Variants in PCDH7 observed in about 807,000 individuals in gnomAD.
PCDH7 encodes protocadherin-7.
Under a neutral mutation model 58.9 loss-of-function variants are expected in PCDH7, and 17 were observed. The ratio of observed to expected loss-of-function variants is 0.29; its 90% CI spans 0.20 to 0.43. The LOEUF is 0.43. Among genes scored for constraint, PCDH7 ranks in the 20% least tolerant of loss-of-function variants. The probability of loss-of-function intolerance (pLI) is 1.00; values close to 1 mark genes in which losing one functional copy is unlikely to be tolerated. For missense variants in PCDH7, 1,274 were observed against 1,441.0 expected, an observed-to-expected ratio of 0.88 and a Z score of 1.88; for synonymous variants, 664 against 616.4, an observed-to-expected ratio of 1.08 and a Z score of -1.14.
intron 3 of PCDH7, among the ~76,000 whole-genome samples, chr4:31,113,036 T>C (rs1479603353): frequency 6.6e-6 from 1 of 152,210 alleles, no homozygotes; most frequent in Non-Finnish European, 1.5e-5. Flanking sequence ...TTTATTCTTA[T>C]TGGTATTTTT....
chr4:30,904,340 G>A (rs1490797917), intron 1 of PCDH7, among the ~76,000 whole-genome samples: 17 of 152,032 alleles, frequency 1.1e-4, no homozygotes. Flanking sequence ...CTCTTGGCAT[G>A]CAGCCCACTC....
chr4:30,862,018 G>T (rs944996372), intron 1 of PCDH7, among the ~76,000 whole-genome samples: 1 of 152,060 alleles, frequency 6.6e-6, no homozygotes, highest in Admixed American at 6.6e-5. Flanking sequence ...TATTAGTAAA[G>T]CTGAAAGGGA....
intron 1 of PCDH7, among the ~76,000 whole-genome samples, chr4:30,819,736 A>C (rs961407220): frequency 6.6e-6 from 1 of 152,172 alleles, no homozygotes; most frequent in Non-Finnish European, 1.5e-5. Context: ...TGTGGTGAAC[A>C]AATTTCTGTA....
At chr4:30,824,905 A>G (rs982228890) in intron 1 of PCDH7, among the ~76,000 whole-genome samples, 1 of 152,142 alleles carries the variant, frequency 6.6e-6, no homozygotes, top group Non-Finnish European at 1.5e-5. Flanking sequence ...GACAAAATTC[A>G]GTGGCACAGA....
At position 30,722,685 on chromosome 4, in the gene PCDH7, G is replaced by A. The variant is rs745310528; in HGVS notation, c.1263G>A (p.Gly421=). 1.2e-6 allele frequency: 2 copies of A among 1,613,520 alleles called. No individual in the cohort carries two copies. Among genetic ancestry groups the A allele is most frequent in the African/African-American group, 1.3e-5 (1 of 74,950 alleles). Reference sequence around the variant, plus strand: ...CGTCCATTGAAATCCGCAAGATTGGGCGCATCCCCCTCAAGGACGGGGTGG... The same window carrying A: ...CGTCCATTGAAATCCGCAAGATTGGACGCATCCCCCTCAAGGACGGGGTGG... The change falls in exon 1 of 2, where the codon GGG becomes GGA. Residue 421 remains glycine, a synonymous_variant. Transcript: ENST00000361762. This position sits in a 1 kb window ranked among gnomAD's most constrained non-coding sequence, Gnocchi z 7.6.
intron 3 of PCDH7, among the ~76,000 whole-genome samples, chr4:31,025,196 A>G (rs1447819906): frequency 6.6e-6 from 1 of 152,220 alleles, no homozygotes; most frequent in East Asian, 1.9e-4. Context: ...GATATCCAAG[A>G]AAAGGAAAGG....
At chr4:30,731,244 C>A in exon 2 of PCDH7, 1 of 636,554 alleles carries the variant, frequency 1.6e-6, no homozygotes, top group Non-Finnish European at 2.0e-6. Context: ...AATCACAGGC[C>A]TGTCAGATAG....
chr4:30,746,107 G>A (rs960208119), intron 1 of PCDH7, among the ~76,000 whole-genome samples: 30 of 152,280 alleles, frequency 2.0e-4, no homozygotes, highest in African/African-American at 7.0e-4. Context: ...GGGATTACAG[G>A]TGTGATCCAC....
At chr4:30,917,140 C>T (rs991077017) in intron 1 of PCDH7, among the ~76,000 whole-genome samples, 7 of 152,100 alleles carry the variant, frequency 4.6e-5, no homozygotes, top group African/African-American at 7.2e-5. Context: ...ATAACCTTTG[C>T]GGTAAAACTG....
chr4:31,052,108 T>C (rs1756797420), intron 3 of PCDH7, among the ~76,000 whole-genome samples: 1 of 152,080 alleles, frequency 6.6e-6, no homozygotes, highest in Non-Finnish European at 1.5e-5. Flanking sequence ...ATAATGTCCC[T>C]TTTTTTGTTG....
chr4:30,977,629 A>G (rs559041188), intron 3 of PCDH7, among the ~76,000 whole-genome samples: 3 of 152,142 alleles, frequency 2.0e-5, no homozygotes, highest in Non-Finnish European at 4.4e-5. Context: ...GCACATTTTC[A>G]TGCACTAGAG....
intron 3 of PCDH7, among the ~76,000 whole-genome samples, chr4:30,952,615 A>G (rs1560530034): frequency 2.6e-5 from 4 of 152,144 alleles, no homozygotes; most frequent in African/African-American, 9.7e-5. Context: ...GAGGGAAAAA[A>G]TCAATGCAGG....
chr4:30,865,390 A>G (rs1578097068), intron 1 of PCDH7, among the ~76,000 whole-genome samples: 1 of 152,100 alleles, frequency 6.6e-6, no homozygotes, highest in African/African-American at 2.4e-5. Context: ...GGGCAGATCC[A>G]AAAATGAAGT....
chr4:30,994,842 A>G (rs1578513491), intron 3 of PCDH7, among the ~76,000 whole-genome samples: 1 of 152,154 alleles, frequency 6.6e-6, no homozygotes, highest in African/African-American at 2.4e-5. Flanking sequence ...TAGCTAAAAT[A>G]TCTCTATATA....
intron 3 of PCDH7, among the ~76,000 whole-genome samples, chr4:31,118,694 G>C (rs570030056): frequency 1.3e-5 from 2 of 152,230 alleles, no homozygotes; most frequent in East Asian, 1.9e-4. Flanking sequence ...AAGTAAGAAG[G>C]AACAGATGAA....
At chr4:31,058,868 A>G (rs1757464226) in intron 3 of PCDH7, among the ~76,000 whole-genome samples, 1 of 151,988 alleles carries the variant, frequency 6.6e-6, no homozygotes, top group African/African-American at 2.4e-5. Flanking sequence ...AGAAGAATTA[A>G]CAAAAGCAGT....
intron 1 of PCDH7, among the ~76,000 whole-genome samples, chr4:30,812,834 G>A (rs1727192960): frequency 6.6e-6 from 1 of 152,108 alleles, no homozygotes; most frequent in South Asian, 2.1e-4. Flanking sequence ...TGAATAGTAG[G>A]TGAGCTTATG....
intron 3 of PCDH7, among the ~76,000 whole-genome samples, chr4:30,992,263 C>T (rs540517552): frequency 6.6e-6 from 1 of 152,162 alleles, no homozygotes; most frequent in Admixed American, 6.5e-5. Context: ...AACATGTCCT[C>T]TAAGGAAACT....
chr4:31,056,472 AG>A (rs1757211641), intron 3 of PCDH7, among the ~76,000 whole-genome samples: 1 of 75,060 alleles, frequency 1.3e-5, no homozygotes, highest in Non-Finnish European at 2.6e-5. Flanking sequence ...AAAGAAAGAA[AG>A]AAAGAAAGAA....
Sources: allele counts gnomAD v4.1 joint callset (sites outside exome capture counted in the v4.1 genomes callset), GRCh38; gene constraint gnomAD v4.1.1; non-coding constraint Gnocchi (gnomAD v3.1); transcripts MANE v1.5; gene names NCBI Gene and HGNC (gene_info 2026-07-23, HGNC 2026-07-21).